Variants in RPS6KC1 observed in about 807,000 individuals in gnomAD.
RPS6KC1 encodes the protein ribosomal protein S6 kinase C1.
RPS6KC1 carries 54 observed loss-of-function variants against 103.8 expected under a neutral mutation model. That is an observed-to-expected ratio of 0.52 (90% CI 0.42 to 0.65). RPS6KC1 has a LOEUF of 0.65. Among genes scored for constraint, RPS6KC1 ranks in the 30% least tolerant of loss-of-function variants. The probability of loss-of-function intolerance (pLI) is 0.00; values close to 1 mark genes in which losing one functional copy is unlikely to be tolerated. For synonymous variants in RPS6KC1, 439 were observed against 438.7 expected (o/e 1.00, Z -0.01); for missense variants, 1,151 against 1,253.8 (o/e 0.92, Z 1.24).
chr1:213,683,483 G>A, the RPS6KC1 span, among the ~76,000 whole-genome samples: 1 of 152,084 alleles, frequency 6.6e-6, no homozygotes, highest in Non-Finnish European at 1.5e-5. Flanking sequence ...ACAAAATACA[G>A]CCTGGAAAAG....
chr1:213,281,967 C>T, the RPS6KC1 span, among the ~76,000 whole-genome samples: 5 of 152,342 alleles, frequency 3.3e-5, no homozygotes, highest in Admixed American at 2.0e-4. Context: ...CCTCCCTCCC[C>T]TTGCTCCGTC....
At chr1:213,620,357 A>G in the RPS6KC1 span, among the ~76,000 whole-genome samples, 1 of 152,136 alleles carries the variant, frequency 6.6e-6, no homozygotes, top group East Asian at 1.9e-4. Flanking sequence ...ACCTTGGTGG[A>G]GGGGCTGGAA....
At chr1:213,317,380 C>G in the RPS6KC1 span, among the ~76,000 whole-genome samples, 1 of 152,216 alleles carries the variant, frequency 6.6e-6, no homozygotes, top group Non-Finnish European at 1.5e-5. Context: ...TAGGTCCACT[C>G]TGAGGCTTCT....
chr1:213,607,726 C>CACAA, the RPS6KC1 span, among the ~76,000 whole-genome samples: 9 of 149,516 alleles, frequency 6.0e-5, no homozygotes, highest in East Asian at 3.9e-4. Flanking sequence ...CACACACACA[C>CACAA]AAAATAAATA....
intron 12 of RPS6KC1, among the ~76,000 whole-genome samples, chr1:213,249,944 C>T (rs953025842): frequency 1.3e-5 from 2 of 152,130 alleles, no homozygotes; most frequent in Non-Finnish European, 2.9e-5. Flanking sequence ...AAGCTCAGAA[C>T]ATGGTTGCCA....
rs141267453 is a variant in RPS6KC1 at position 213,122,960 on chromosome 1, T to C, written c.472+5550T>C. Among the ~76,000 whole-genome samples the C allele has an allele frequency of 3.6e-3, 544 of 152,230 alleles. 3 individuals carry two copies. Among genetic ancestry groups the C allele is most frequent in the African/African-American group, 0.012 (507 of 41,550 alleles). On this transcript the variant is annotated intron_variant, in intron 5 of 14. Coordinates refer to ENST00000366960, the MANE Select transcript of RPS6KC1 (RefSeq NM_012424.6). ...TTGACTCTTACAAATTCTAGGGCTA[T>C]TGAGGATAATATTGGATATTAGGAG... is the stretch of plus-strand genomic sequence containing the variant.
At chr1:213,799,043 T>C in the RPS6KC1 span, among the ~76,000 whole-genome samples, 5 of 152,324 alleles carry the variant, frequency 3.3e-5, no homozygotes, top group Non-Finnish European at 4.4e-5. Context: ...GAAATGCCAA[T>C]AATGGAGACT....
chr1:213,767,922 G>A, the RPS6KC1 span, among the ~76,000 whole-genome samples: 64 of 152,272 alleles, frequency 4.2e-4, no homozygotes, highest in Middle Eastern at 3.4e-3. Flanking sequence ...TGGTCACGCC[G>A]CAAGCATTCA....
intron 8 of RPS6KC1, among the ~76,000 whole-genome samples, chr1:213,212,289 T>C (rs1395727472): frequency 6.6e-6 from 1 of 152,086 alleles, no homozygotes; most frequent in Non-Finnish European, 1.5e-5. Flanking sequence ...ATCTCCACAG[T>C]TTTGCCTTTT....
intron 8 of RPS6KC1, among the ~76,000 whole-genome samples, chr1:213,210,772 A>G (rs965061660): frequency 6.6e-6 from 1 of 152,266 alleles, no homozygotes; most frequent in Non-Finnish European, 1.5e-5. Context: ...TAACATTTAA[A>G]GCTTCCTTGC....
the RPS6KC1 span, among the ~76,000 whole-genome samples, chr1:213,347,865 C>T: frequency 2.6e-5 from 4 of 152,174 alleles, no homozygotes; most frequent in African/African-American, 9.7e-5. Context: ...GCAAAGTCTG[C>T]TTTGCCATGG....
the RPS6KC1 span, among the ~76,000 whole-genome samples, chr1:213,643,168 TTCATACGAATTTTAAAGTCAATTTG>T: frequency 3.0e-3 from 455 of 152,106 alleles, no homozygotes; most frequent in African/African-American, 0.01. Context: ...TTAATATTCT[TTCATACGAATTTTAAAGTCAATTTG>T]TCAAGCTGCA....
In RPS6KC1 at chr1:213,240,614, A is replaced by G. The variant is rs1042160722; in HGVS notation, c.1226-88A>G. 8 of 1,061,988 alleles carry G rather than the reference A, an allele frequency of 7.5e-6. No homozygotes were observed. In the African/African-American group the frequency reaches 1.3e-4, roughly 17 times the overall value. The allele number at this position is 1,061,988 out of a possible 1,614,324, so 65.8% of individuals were successfully genotyped here. A position where few individuals can be genotyped will look rare whatever the true frequency, so the allele number is the denominator to read the frequency against. ...TATTGACTTGTTTTGATTGATTTTTAAGATAGTTTTTGTTTTTCTAATGGC... is the reference window on the plus strand; with the variant it reads ...TATTGACTTGTTTTGATTGATTTTTGAGATAGTTTTTGTTTTTCTAATGGC... On this transcript the variant is annotated intron_variant, in intron 10 of 14. Transcript: ENST00000366960.
chr1:213,548,839 T>C, the RPS6KC1 span, among the ~76,000 whole-genome samples: 1 of 152,212 alleles, frequency 6.6e-6, no homozygotes, highest in Non-Finnish European at 1.5e-5. Context: ...ATATATGCTT[T>C]ATATACTTTA....
the RPS6KC1 span, among the ~76,000 whole-genome samples, chr1:213,754,545 A>G: frequency 6.6e-6 from 1 of 152,162 alleles, no homozygotes; most frequent in African/African-American, 2.4e-5. Context: ...TGGTTGTTTT[A>G]AAAGTGTGTA....
chr1:213,667,554 T>C, the RPS6KC1 span, among the ~76,000 whole-genome samples: 1 of 152,232 alleles, frequency 6.6e-6, no homozygotes, highest in Non-Finnish European at 1.5e-5. Flanking sequence ...GGTCTTGCCT[T>C]GACGTTGATG....
chr1:213,664,261 C>T, the RPS6KC1 span, among the ~76,000 whole-genome samples: 3 of 151,786 alleles, frequency 2.0e-5, no homozygotes, highest in Non-Finnish European at 2.9e-5. Context: ...GAAGCAGGAC[C>T]GTGGCTGCTG....
At chr1:213,180,664 C>T (rs544425457) in intron 8 of RPS6KC1, among the ~76,000 whole-genome samples, 10 of 151,802 alleles carry the variant, frequency 6.6e-5, no homozygotes, top group African/African-American at 2.4e-4. Context: ...AAGAAATTAG[C>T]GGAAAAAAAA....
chr1:213,826,531 G>A, the RPS6KC1 span, among the ~76,000 whole-genome samples: 6 of 152,142 alleles, frequency 3.9e-5, no homozygotes, highest in Non-Finnish European at 8.8e-5. Context: ...TATAATTTGT[G>A]GGGTCCAGTG....
Sources: allele counts gnomAD v4.1 joint callset (sites outside exome capture counted in the v4.1 genomes callset), GRCh38; gene constraint gnomAD v4.1.1; transcripts MANE v1.5; gene names NCBI Gene and HGNC (gene_info 2026-07-23, HGNC 2026-07-21).